PCSK6: variants seen among roughly 807,000 people sequenced by gnomAD.
The protein encoded by PCSK6 is proprotein convertase subtilisin/kexin type 6, also known as paired basic amino acid cleaving enzyme 4.
A neutral mutation model predicts 123.3 loss-of-function variants in PCSK6; 85 were observed. The ratio of observed to expected loss-of-function variants is 0.69; its 90% confidence interval spans 0.58 to 0.83. The LOEUF (loss-of-function observed/expected upper bound fraction) is 0.83, where lower values mean the gene tolerates loss of function less well. Ranked by LOEUF, PCSK6 falls within the 40% of genes least tolerant of loss-of-function variation. PCSK6 has a pLI of 0.00. For missense variants in PCSK6, 1,191 were observed against 1,282.3 expected (o/e 0.93, Z 1.09); for synonymous variants, 508 against 516.0 (o/e 0.98, Z 0.21).
At chr15:101,320,012 C>A (rs1417777699) in intron 18 of PCSK6, among the ~76,000 whole-genome samples, 1 of 152,112 alleles carries the variant, frequency 6.6e-6, no homozygotes, top group Non-Finnish European at 1.5e-5. Flanking sequence ...CAAAGTGGGG[C>A]AGTCTTGGGC....
chr15:101,438,959 A>G (rs934258582), intron 2 of PCSK6, among the ~76,000 whole-genome samples: 1 of 152,240 alleles, frequency 6.6e-6, no homozygotes, highest in African/African-American at 2.4e-5. Context: ...GCAGAGGGAA[A>G]AAGAGCGAAA....
rs979101027 is a variant in PCSK6 at position 101,328,622 on chromosome 15, T to C, written c.2078-2143A>G. The stretch of plus-strand genomic sequence containing the variant: ...GTATGGACTTCACACCCCCCACCCC[T>C]GTTCCTGGGTCTCTCTGCAGTGGAA... On this transcript the variant is annotated intron_variant, in intron 15 of 21. Transcript: ENST00000611716. Among the ~76,000 whole-genome samples, 14 of 152,170 alleles carry C rather than the reference T, an allele frequency of 9.2e-5. 1 individual carries two copies. Among genetic ancestry groups the C allele is most frequent in the Admixed American group, 8.5e-4 (13 of 15,280 alleles).
At chr15:101,465,939 C>T (rs1458050326) in intron 1 of PCSK6, among the ~76,000 whole-genome samples, 1 of 151,978 alleles carries the variant, frequency 6.6e-6, no homozygotes, top group Admixed American at 6.6e-5. Context: ...GTGCGGAGAA[C>T]AAATGTAACA....
intron 8 of PCSK6, among the ~76,000 whole-genome samples, chr15:101,392,943 AAAT>A (rs1317645056): frequency 6.6e-6 from 1 of 152,188 alleles, no homozygotes; most frequent in Non-Finnish European, 1.5e-5. Context: ...CCTCGTTCTT[AAAT>A]AATATTTTTA....
At chr15:101,412,691 T>TTTTATATATATATATA (rs772007096) in intron 6 of PCSK6, among the ~76,000 whole-genome samples, 6 of 124,742 alleles carry the variant, frequency 4.8e-5, no homozygotes, top group African/African-American at 2.1e-4. Flanking sequence ...AACTGGAAAA[T>TTTTATATATATATATA]TATATATATA....
At chr15:101,419,331 T>A (rs949425814) in intron 6 of PCSK6, among the ~76,000 whole-genome samples, 13 of 151,982 alleles carry the variant, frequency 8.6e-5, no homozygotes, top group African/African-American at 2.9e-4. Context: ...TACAAATTTT[T>A]AAAAAATCTA....
At chr15:101,406,770 G>C (rs115612086) in intron 6 of PCSK6, among the ~76,000 whole-genome samples, 112 of 152,246 alleles carry the variant, frequency 7.4e-4, no homozygotes, top group African/African-American at 2.6e-3. Context: ...TGAAGTGTGT[G>C]GGGACGCGCG....
chr15:101,444,301 C>G (rs941341295), intron 1 of PCSK6, among the ~76,000 whole-genome samples: 1 of 152,192 alleles, frequency 6.6e-6, no homozygotes, highest in Non-Finnish European at 1.5e-5. Flanking sequence ...AGCCCCTGGC[C>G]TTCAAGAAGG....
chr15:101,448,457 A>G (rs1300726623), intron 1 of PCSK6, among the ~76,000 whole-genome samples: 1 of 152,238 alleles, frequency 6.6e-6, no homozygotes, highest in Non-Finnish European at 1.5e-5. Flanking sequence ...TTAGTGGGGA[A>G]CAGCAATTCC....
chr15:101,399,683 G>C (rs554908023), intron 6 of PCSK6, among the ~76,000 whole-genome samples: 21 of 152,266 alleles, frequency 1.4e-4, no homozygotes, highest in Admixed American at 2.6e-4. Context: ...GGGGAAGCAG[G>C]GGGTAATGAC....
intron 4 of PCSK6, among the ~76,000 whole-genome samples, 175 bp downstream of exon 4, chr15:101,431,145 A>T (rs1434459259): frequency 1.3e-5 from 2 of 152,240 alleles, no homozygotes; most frequent in East Asian, 3.8e-4. Flanking sequence ...CTTGCCCCTG[A>T]CAGTAGCAAG....
At position 101,318,341 on chromosome 15, in the gene PCSK6, A is replaced by C. The variant is rs1014219486; in HGVS notation, c.2547T>G (p.His849Gln). Residue 849 changes from histidine to glutamine, a missense_variant, in exon 19 of 22, where the codon CAT becomes CAG. Transcript: ENST00000611716. ...DSELIRCGEC[H>Q]HTCGTCVGPG... The stretch of plus-strand genomic sequence containing the variant: ...CACCCACGCAGGTTCCGCAGGTGTG[A>C]TGGCATTCCCCACATCTGATCAGCT... 2.6e-6 allele frequency: 4 copies of C among 1,561,470 alleles called. No homozygotes were observed. The African/African-American group carries it at 5.4e-5, about 21-fold the overall frequency.
intron 2 of PCSK6, among the ~76,000 whole-genome samples, chr15:101,435,318 A>AAAAGAAAGAAAG (rs56796892): frequency 8.8e-5 from 13 of 148,200 alleles, no homozygotes; most frequent in Non-Finnish European, 1.6e-4. Context: ...CTCAAAAAAA[A>AAAAGAAAGAAAG]AAAGAAAGAA....
At chr15:101,443,220 G>T (rs990598015) in intron 2 of PCSK6, among the ~76,000 whole-genome samples, 34 of 152,148 alleles carry the variant, frequency 2.2e-4, no homozygotes, top group African/African-American at 7.0e-4. Flanking sequence ...TAACATACAT[G>T]TTATGACAAC....
intron 13 of PCSK6, chr15:101,365,815 G>A (rs1008676271): frequency 6.1e-6 from 1 of 164,764 alleles, no homozygotes; most frequent in Non-Finnish European, 1.3e-5. Context: ...CAAAAGGCCA[G>A]GTGTTGTATT....
chr15:101,452,280 G>A (rs1239306295), intron 1 of PCSK6, among the ~76,000 whole-genome samples: 1 of 152,132 alleles, frequency 6.6e-6, no homozygotes, highest in Non-Finnish European at 1.5e-5. Context: ...ATTTCTACAT[G>A]TGGTCTCGGC....
intron 13 of PCSK6, among the ~76,000 whole-genome samples, chr15:101,356,944 T>C (rs2041062616): frequency 6.6e-6 from 1 of 152,212 alleles, no homozygotes; most frequent in South Asian, 2.1e-4. Flanking sequence ...CTAAGCCACG[T>C]TCAATCTGAC....
intron 1 of PCSK6, among the ~76,000 whole-genome samples, chr15:101,449,170 T>C (rs2056968942): frequency 6.6e-6 from 1 of 152,192 alleles, no homozygotes; most frequent in Non-Finnish European, 1.5e-5. Context: ...TGGCATCATA[T>C]TTGCATACAA....
At chr15:101,474,378 G>A (rs1052906872) in intron 1 of PCSK6, among the ~76,000 whole-genome samples, 1 of 152,168 alleles carries the variant, frequency 6.6e-6, no homozygotes, top group Non-Finnish European at 1.5e-5. Context: ...TGTGACCCTC[G>A]GAGAGGACAC....
Sources: allele counts gnomAD v4.1 joint callset (sites outside exome capture counted in the v4.1 genomes callset), GRCh38; gene constraint gnomAD v4.1.1; transcripts MANE v1.5; gene names NCBI Gene and HGNC (gene_info 2026-07-23, HGNC 2026-07-21).